The following PKIB variants were observed in gnomAD, a reference collection of about 807,000 sequenced individuals.
PKIB encodes the protein PKI-beta.
In PKIB, 2 loss-of-function variants were observed where a neutral mutation model predicts 4.5. That is an observed-to-expected ratio of 0.44 (90% CI 0.18 to 1.39). PKIB has a LOEUF of 1.39. Among genes scored for constraint, PKIB ranks in the 40% most tolerant of loss-of-function variants. PKIB has a pLI of 0.27. For missense variants in PKIB, 94 were observed against 92.6 expected (o/e 1.02, Z -0.06); for synonymous variants, 38 against 36.0 (o/e 1.06, Z -0.20).
At chr6:122,564,758 G>T (rs1222142137) in intron 2 of PKIB, among the ~76,000 whole-genome samples, 2 of 152,096 alleles carry the variant, frequency 1.3e-5, no homozygotes, top group East Asian at 3.9e-4. Flanking sequence ...TTGACATTGG[G>T]AAGGACCCTT....
At chr6:122,689,619 G>A (rs995511689) in intron 3 of PKIB, among the ~76,000 whole-genome samples, 5 of 152,160 alleles carry the variant, frequency 3.3e-5, no homozygotes, top group African/African-American at 9.7e-5. Context: ...CAGAGAAGAT[G>A]CTTGATATTA....
intron 2 of PKIB, among the ~76,000 whole-genome samples, chr6:122,488,702 C>T (rs1459195346): frequency 6.6e-6 from 1 of 152,018 alleles, no homozygotes; most frequent in Non-Finnish European, 1.5e-5. Flanking sequence ...TCTTGTTCTA[C>T]GTTAGAGAAG....
At chr6:122,529,156 G>A (rs1280886916) in intron 2 of PKIB, among the ~76,000 whole-genome samples, 1 of 151,980 alleles carries the variant, frequency 6.6e-6, no homozygotes, top group Non-Finnish European at 1.5e-5. Flanking sequence ...CTCTGCTTTT[G>A]TGTTTTGTTG....
intron 2 of PKIB, among the ~76,000 whole-genome samples, chr6:122,504,545 A>G (rs953467190): frequency 2.6e-5 from 4 of 152,096 alleles, no homozygotes; most frequent in Non-Finnish European, 5.9e-5. Context: ...CTGAATGCAT[A>G]TTTTCTCTGA....
At chr6:122,687,352 C>G (rs1453950289) in intron 3 of PKIB, among the ~76,000 whole-genome samples, 2 of 152,078 alleles carry the variant, frequency 1.3e-5, no homozygotes, top group Non-Finnish European at 2.9e-5. Context: ...TAGTAGCCTG[C>G]TGTTTTGCTT....
intron 2 of PKIB, among the ~76,000 whole-genome samples, chr6:122,550,076 G>A (rs1232450244): frequency 6.6e-6 from 1 of 151,622 alleles, no homozygotes; most frequent in Admixed American, 6.6e-5. Context: ...TGCCATGCCC[G>A]GCTAATTTCT....
At chr6:122,583,014 A>C (rs1243864680) in intron 2 of PKIB, among the ~76,000 whole-genome samples, 1 of 152,036 alleles carries the variant, frequency 6.6e-6, no homozygotes, top group African/African-American at 2.4e-5. Flanking sequence ...ATATTAATAT[A>C]AGATATAGAA....
At chr6:122,713,470 T>C (rs1022068392) in intron 3 of PKIB, among the ~76,000 whole-genome samples, 3 of 152,204 alleles carry the variant, frequency 2.0e-5, no homozygotes, top group African/African-American at 4.8e-5. Flanking sequence ...CTATATATTA[T>C]AATTATCACA....
At chr6:122,701,296 C>T (rs1182902313) in intron 3 of PKIB, 2 of 642,762 alleles carry the variant, frequency 3.1e-6, no homozygotes, top group African/African-American at 3.6e-5. Flanking sequence ...TGTACCATTA[C>T]AAGCAATGTC....
intron 3 of PKIB, among the ~76,000 whole-genome samples, chr6:122,710,637 C>T (rs948833678): frequency 3.3e-5 from 5 of 152,142 alleles, no homozygotes; most frequent in Admixed American, 3.3e-4. Flanking sequence ...CATTTTCTAT[C>T]CTGGAATTAA....
chr6:122,558,143 G>T (rs1458470037), intron 2 of PKIB, among the ~76,000 whole-genome samples: 1 of 152,184 alleles, frequency 6.6e-6, no homozygotes, highest in Admixed American at 6.5e-5. Flanking sequence ...AGTGCAGGTT[G>T]TATTTGTAGG....
intron 2 of PKIB, among the ~76,000 whole-genome samples, chr6:122,543,267 T>A (rs1772365424): frequency 6.6e-6 from 1 of 151,844 alleles, no homozygotes; most frequent in Admixed American, 6.6e-5. Flanking sequence ...CAGATGGAAA[T>A]GCAGAAATCA....
chr6:122,617,490 T>G lies in PKIB; in HGVS notation c.-161+6955T>G, dbSNP rs571024688. 3.9e-5 allele frequency among the ~76,000 whole-genome samples: 6 copies of G among 152,286 alleles called. No homozygotes were observed. The South Asian group carries it at 1.2e-3, about 32-fold the overall frequency. ...TTTTGGGTTCTAGGTTTGAATGCTT[T>G]GAAAGGAAAAATAAACCTTTCAGTA... On this transcript the variant is annotated intron_variant, in intron 1 of 4. Transcript: ENST00000368452.
At chr6:122,564,675 T>G (rs1232124192) in intron 2 of PKIB, among the ~76,000 whole-genome samples, 1 of 152,226 alleles carries the variant, frequency 6.6e-6, no homozygotes, top group Non-Finnish European at 1.5e-5. Context: ...AGCTCCTTGG[T>G]CAGCCAATCT....
At chr6:122,500,295 C>CT (rs71272334) in intron 2 of PKIB, among the ~76,000 whole-genome samples, 19,240 of 151,256 alleles carry the variant, frequency 0.13, 1,385 homozygotes, top group East Asian at 0.25. Context: ...ATATCACATT[C>CT]TTTTTTTTTA....
intron 2 of PKIB, among the ~76,000 whole-genome samples, chr6:122,549,148 C>T (rs1289664223): frequency 1.3e-5 from 2 of 152,142 alleles, no homozygotes; most frequent in Non-Finnish European, 2.9e-5. Flanking sequence ...CTTAAAACTA[C>T]TATTATTCAG....
rs574468142 is a variant in PKIB, at chr6:122,594,475, G to C, written c.-161+8468G>C. Among the ~76,000 whole-genome samples, 92 of 152,280 alleles carry C rather than the reference G, an allele frequency of 6.0e-4. 1 individual carries two copies. Among genetic ancestry groups the C allele is most frequent in the African/African-American group, 2.2e-3 (92 of 41,554 alleles). On this transcript the variant is annotated intron_variant, in intron 3 of 6. Transcript: ENST00000392491. ...CCGCCTCAGCCTCCCAAAGTGCTGG[G>C]ATTAGAGGCATGAACCACCGTGCAT... is the stretch of plus-strand genomic sequence containing the variant.
intron 4 of PKIB, among the ~76,000 whole-genome samples, chr6:122,722,435 A>G (rs146940341): frequency 6.6e-6 from 1 of 152,224 alleles, no homozygotes; most frequent in East Asian, 1.9e-4. Flanking sequence ...AGTTCATTTC[A>G]CAGAAAGATA....
intron 2 of PKIB, among the ~76,000 whole-genome samples, chr6:122,520,815 T>C (rs561522635): frequency 1.3e-5 from 2 of 152,300 alleles, no homozygotes; most frequent in African/African-American, 4.8e-5. Context: ...CAATGAGAAA[T>C]AAGTTTATTT....
Sources: gnomAD v4.1 joint callset for allele counts (sites outside exome capture counted in the v4.1 genomes callset) on GRCh38, gnomAD v4.1.1 for gene constraint, MANE v1.5 for transcripts, NCBI Gene and HGNC (gene_info 2026-07-23, HGNC 2026-07-21) for gene names.